The following CD99L2 variants were observed in gnomAD, a reference collection of about 807,000 sequenced individuals.
The protein encoded by CD99L2 is CD99 antigen-like protein 2.
CD99L2 carries 24 observed loss-of-function variants against 27.3 expected under a neutral mutation model. The ratio of observed to expected loss-of-function variants is 0.88; its 90% CI spans 0.64 to 1.24. The LOEUF (loss-of-function observed/expected upper bound fraction) is 1.24. Among genes scored for constraint, CD99L2 ranks in the 50% most tolerant of loss-of-function variants. The probability of loss-of-function intolerance (pLI) is 0.00; values close to 1 mark genes in which losing one functional copy is unlikely to be tolerated. For synonymous variants in CD99L2, 97 were observed against 87.9 expected, an observed-to-expected ratio of 1.10 and a Z score of -0.58; for missense variants, 255 against 221.6, an observed-to-expected ratio of 1.15 and a Z score of -0.96.
At chrX:150,895,319 G>C (rs782177993) in intron 1 of CD99L2, among the ~76,000 whole-genome samples, 2 of 111,759 alleles carry the variant, frequency 1.8e-5, no homozygotes, top group Non-Finnish European at 3.8e-5. Context: ...TGTCCTCAGA[G>C]GACTTTTTGG....
At chrX:150,875,898 G>A (rs977494522) in intron 1 of CD99L2, among the ~76,000 whole-genome samples, 3 of 112,250 alleles carry the variant, frequency 2.7e-5, no homozygotes, top group Admixed American at 9.5e-5. Flanking sequence ...ACGTGGAATT[G>A]TAAGTCCATT....
chrX:150,816,465 T>A (rs1311499336), intron 2 of CD99L2: 1 of 179,988 alleles, frequency 5.6e-6, no homozygotes, highest in Non-Finnish European at 1.0e-5. Context: ...ACTTTAAACA[T>A]AGATAATCCT....
intron 7 of CD99L2, among the ~76,000 whole-genome samples, chrX:150,779,195 C>T (rs1329174615): frequency 1.2e-4 from 14 of 112,008 alleles, no homozygotes; most frequent in African/African-American, 4.5e-4. Context: ...ATAAACAGGT[C>T]GAACCCCTTC....
intron 2 of CD99L2, among the ~76,000 whole-genome samples, chrX:150,829,921 C>G (rs2046416335): frequency 9.0e-6 from 1 of 111,006 alleles, no homozygotes; most frequent in Non-Finnish European, 1.9e-5. Flanking sequence ...CTTTGGGAGG[C>G]TGAGGCGGGC....
intron 1 of CD99L2, among the ~76,000 whole-genome samples, chrX:150,842,911 T>A (rs2046643535): frequency 8.9e-6 from 1 of 111,792 alleles, no homozygotes; most frequent in African/African-American, 3.2e-5. Flanking sequence ...CGCTTGGTAA[T>A]CTCCATGCCA....
At chrX:150,774,589 C>T (rs1035154175) in intron 9 of CD99L2, among the ~76,000 whole-genome samples, 8 of 111,956 alleles carry the variant, frequency 7.1e-5, no homozygotes, top group Admixed American at 6.6e-4. Context: ...CTGTATTAGG[C>T]GGCTTCTACT....
At chrX:150,779,042 G>C (rs2045465825) in intron 7 of CD99L2, among the ~76,000 whole-genome samples, 1 of 111,548 alleles carries the variant, frequency 9.0e-6, no homozygotes, top group Admixed American at 9.5e-5. Flanking sequence ...TGGACTCTGA[G>C]TAATTCAACC....
chrX:150,851,356 T>C (rs1253434848), intron 1 of CD99L2, among the ~76,000 whole-genome samples: 1 of 111,895 alleles, frequency 8.9e-6, no homozygotes, highest in Admixed American at 9.4e-5. Flanking sequence ...GTCAGACACA[T>C]GGCATCAACA....
At chrX:150,772,062 G>A (rs1180781747) in intron 9 of CD99L2, among the ~76,000 whole-genome samples, 2 of 112,466 alleles carry the variant, frequency 1.8e-5, no homozygotes, top group Non-Finnish European at 3.8e-5. Flanking sequence ...CCCCTCTACC[G>A]CCATCTCCAT....
At position 150,805,188 on chromosome X, in the gene CD99L2, AAAACAAACAAAC is replaced by A. The variant is rs1209592226; in HGVS notation, c.277+9662_277+9673del. 8.1e-5 allele frequency among the ~76,000 whole-genome samples: 9 copies of A among 111,429 alleles called. No homozygotes were observed. In the South Asian group the frequency reaches 1.1e-3, roughly 14 times the overall value. On this transcript the variant is annotated intron_variant, in intron 4 of 10. Transcript: ENST00000370377. ...GGGCAACAGAGCGAGACTCCGACTC[AAAACAAACAAAC>A]AAACAAACAAACACAAAGATCTCAA... is the stretch of plus-strand genomic sequence containing the variant.
intron 6 of CD99L2, 44 bp from the exon 7 acceptor site, chrX:150,793,800 T>A: frequency 3.8e-6 from 4 of 1,052,489 alleles, no homozygotes; most frequent in Middle Eastern, 5.1e-4. Flanking sequence ...GAAAAAAAAA[T>A]CAGCAACAAG....
At chrX:150,777,352 C>G in intron 8 of CD99L2, 92 bp downstream of exon 8, 2 of 1,089,030 alleles carry the variant, frequency 1.8e-6, no homozygotes, top group South Asian at 3.7e-5. Flanking sequence ...CAGTTTCTAG[C>G]TTGACTTTTC....
intron 4 of CD99L2, among the ~76,000 whole-genome samples, chrX:150,798,982 C>T (rs2045859529): frequency 8.9e-6 from 1 of 112,331 alleles, no homozygotes; most frequent in African/African-American, 3.2e-5. Context: ...AACTCCTGGA[C>T]TTAAGCCATC....
intron 1 of CD99L2, among the ~76,000 whole-genome samples, chrX:150,885,365 A>C (rs782509800): frequency 1.8e-4 from 20 of 108,706 alleles, no homozygotes; most frequent in South Asian, 1.1e-3. Flanking sequence ...TTCTACAAAA[A>C]AACAACAACA....
chrX:150,848,242 A>T (rs1557421514), intron 1 of CD99L2, among the ~76,000 whole-genome samples: 1 of 111,017 alleles, frequency 9.0e-6, no homozygotes, highest in Admixed American at 9.6e-5. Flanking sequence ...GCAAGTGGTT[A>T]ACAATATGGG....
intron 2 of CD99L2, chrX:150,816,439 C>T (rs2046156699): frequency 4.7e-6 from 1 of 210,826 alleles, no homozygotes; most frequent in Non-Finnish European, 8.7e-6. Context: ...CTTGGTTCCA[C>T]AACTATCAAC....
intron 1 of CD99L2, among the ~76,000 whole-genome samples, chrX:150,835,333 T>C (rs1003848523): frequency 2.7e-5 from 3 of 112,308 alleles, no homozygotes; most frequent in African/African-American, 6.5e-5. Flanking sequence ...TATAAATACA[T>C]ACAAAGATTA....
At chrX:150,809,541 G>A (rs936634589) in intron 4 of CD99L2, among the ~76,000 whole-genome samples, 3 of 112,368 alleles carry the variant, frequency 2.7e-5, no homozygotes, top group Non-Finnish European at 5.6e-5. Context: ...TAGCAAACAT[G>A]AGTTTTGAGT....
intron 1 of CD99L2, among the ~76,000 whole-genome samples, chrX:150,851,577 T>C (rs2046793799): frequency 8.9e-6 from 1 of 112,164 alleles, no homozygotes; most frequent in Non-Finnish European, 1.9e-5. Context: ...TCCCACATAG[T>C]GGCTCAAAAC....
Sources: gnomAD v4.1 joint callset for allele counts (sites outside exome capture counted in the v4.1 genomes callset) on GRCh38, gnomAD v4.1.1 for gene constraint, MANE v1.5 for transcripts, NCBI Gene and HGNC (gene_info 2026-07-23, HGNC 2026-07-21) for gene names.